SAMD12: variants seen among roughly 807,000 people sequenced by gnomAD.
The protein encoded by SAMD12 is sterile alpha motif domain containing 12, also known as sterile alpha motif domain-containing protein 12.
SAMD12 carries 9 observed loss-of-function variants against 15.0 expected under a neutral mutation model. The observed-to-expected ratio is 0.60, with a 90% CI of 0.36 to 1.05. SAMD12 has a LOEUF of 1.05. Among genes scored for constraint, SAMD12 ranks in the 50% least tolerant of loss-of-function variants. The pLI is 0.01. For synonymous variants in SAMD12, 86 were observed against 90.1 expected, an observed-to-expected ratio of 0.96 and a Z score of 0.25; for missense variants, 230 against 234.2, an observed-to-expected ratio of 0.98 and a Z score of 0.12.
chr8:118,430,719 A>G (rs553493665), intron 3 of SAMD12, among the ~76,000 whole-genome samples: 46 of 151,796 alleles, frequency 3.0e-4, no homozygotes, highest in African/African-American at 1.0e-3. Context: ...TCAACTCAAT[A>G]TAACTACTAT....
chr8:118,197,698 G>C, exon 5 of SAMD12: 2 of 1,612,242 alleles, frequency 1.2e-6, no homozygotes, highest in Non-Finnish European at 1.7e-6. Flanking sequence ...CAGCTTGGAA[G>C]GCTAACCGTG....
chr8:118,549,190 C>G (rs1004030104), intron 2 of SAMD12, among the ~76,000 whole-genome samples: 1 of 152,246 alleles, frequency 6.6e-6, no homozygotes, highest in Admixed American at 6.5e-5. Flanking sequence ...TCTCCCAGCA[C>G]ACAGCTGGAG....
At chr8:118,567,415 C>T (rs943380933) in intron 2 of SAMD12, among the ~76,000 whole-genome samples, 1 of 152,160 alleles carries the variant, frequency 6.6e-6, no homozygotes, top group African/African-American at 2.4e-5. Context: ...TACTCTCACC[C>T]AGGCAATGTG....
At chr8:118,490,268 C>T (rs1824405644) in intron 2 of SAMD12, among the ~76,000 whole-genome samples, 1 of 151,916 alleles carries the variant, frequency 6.6e-6, no homozygotes. Context: ...GATGTGGTTC[C>T]CATATTGTTG....
rs568668902 is a variant in SAMD12 at position 118,272,889 on chromosome 8, C to T, written c.434-75157G>A. Among the ~76,000 whole-genome samples, 19 of 152,312 alleles carry T rather than the reference C, an allele frequency of 1.2e-4. No individual in the cohort carries two copies. In the East Asian group the frequency reaches 2.9e-3, roughly 23 times the overall value. On this transcript the variant is annotated intron_variant, in intron 4 of 4. Transcript: ENST00000409003. ...CAAACTTTCCCACATCTGCCTGTCT[C>T]CTGAGCTCTCCAAGTGTGTAGGAAG...
chr8:118,601,418 A>G (rs887941169), intron 1 of SAMD12, among the ~76,000 whole-genome samples: 2 of 152,184 alleles, frequency 1.3e-5, no homozygotes, highest in Non-Finnish European at 2.9e-5. Flanking sequence ...CCATGCCTAG[A>G]CAGTGACTCT....
chr8:118,152,769 G>A, the SAMD12 span, among the ~76,000 whole-genome samples: 1 of 152,130 alleles, frequency 6.6e-6, no homozygotes, highest in Non-Finnish European at 1.5e-5. Context: ...ACAGTGCTGG[G>A]ATTACAAGCG....
the SAMD12 span, among the ~76,000 whole-genome samples, chr8:118,173,074 T>C: frequency 9.2e-5 from 14 of 152,352 alleles, 1 homozygote; most frequent in South Asian, 2.7e-3. Context: ...GTCCCTTGCA[T>C]AAGATAGGAA....
intron 4 of SAMD12, among the ~76,000 whole-genome samples, chr8:118,337,318 C>T (rs1000811156): frequency 1.2e-4 from 19 of 152,266 alleles, no homozygotes; most frequent in African/African-American, 4.3e-4. Context: ...TTTTGCACAT[C>T]ACTGTCCCTG....
chr8:118,176,097 C>T, the SAMD12 span, among the ~76,000 whole-genome samples: 2,492 of 152,232 alleles, frequency 0.016, 35 homozygotes, highest in South Asian at 0.074. Flanking sequence ...GTCAGGAGAT[C>T]GAGACCATCC....
At chr8:118,402,898 A>G (rs1305050630) in intron 3 of SAMD12, among the ~76,000 whole-genome samples, 1 of 152,200 alleles carries the variant, frequency 6.6e-6, no homozygotes, top group Non-Finnish European at 1.5e-5. Context: ...TCATGCACAC[A>G]CACAAAAAAT....
chr8:118,182,500 T>A, the SAMD12 span, among the ~76,000 whole-genome samples: 1 of 152,224 alleles, frequency 6.6e-6, no homozygotes, highest in East Asian at 1.9e-4. Context: ...CTTCTAATGG[T>A]GCTACATTTT....
intron 4 of SAMD12, among the ~76,000 whole-genome samples, chr8:118,339,786 G>A (rs1329383998): frequency 6.6e-6 from 1 of 152,214 alleles, no homozygotes; most frequent in African/African-American, 2.4e-5. Flanking sequence ...CTTCAGAGCA[G>A]GTGGTTTGCA....
chr8:118,243,305 G>A (rs1010964384), intron 4 of SAMD12, among the ~76,000 whole-genome samples: 1 of 151,990 alleles, frequency 6.6e-6, no homozygotes, highest in Non-Finnish European at 1.5e-5. Context: ...AGTGGGTAGG[G>A]AACAGATGTG....
At chr8:118,619,166 G>A (rs940304009) in intron 1 of SAMD12, among the ~76,000 whole-genome samples, 6 of 152,116 alleles carry the variant, frequency 3.9e-5, no homozygotes, top group Non-Finnish European at 8.8e-5. Context: ...CAGGGACAAT[G>A]TCACCCAGCA....
Position 118,381,632 on chromosome 8 carries a change from C to T in SAMD12, c.323-1932G>A, listed in dbSNP as rs114892352. Among the ~76,000 whole-genome samples the T allele has an allele frequency of 2.9e-3, 441 of 152,204 alleles. 4 individuals are homozygous for T. The highest frequency in any genetic ancestry group is 0.01 in the African/African-American group (420 of 41,530). On this transcript the variant is annotated intron_variant, in intron 3 of 3. Coordinates refer to ENST00000314727, the MANE Select transcript of SAMD12 (RefSeq NM_207506.3). ...AATGGATGCAGAGGTCAAAGTGAAGCGGCCAAGAGCCAAGGAATTCAGGCA... is the reference window on the plus strand; with the variant it reads ...AATGGATGCAGAGGTCAAAGTGAAGTGGCCAAGAGCCAAGGAATTCAGGCA...
intron 2 of SAMD12, among the ~76,000 whole-genome samples, chr8:118,579,229 T>C (rs532522537): frequency 4.2e-4 from 64 of 152,298 alleles, no homozygotes; most frequent in African/African-American, 1.5e-3. Flanking sequence ...TTTAATATTT[T>C]AGGCATCCTT....
In SAMD12 at chr8:118,493,305, T is replaced by C. The variant is rs1824501779; in HGVS notation, c.193-53344A>G. Among the ~76,000 whole-genome samples the C allele has an allele frequency of 2.6e-5, 4 of 152,202 alleles. 1 individual carries two copies. In the South Asian group the frequency reaches 8.3e-4, roughly 31 times the overall value. On this transcript the variant is annotated intron_variant, in intron 2 of 3. Coordinates refer to ENST00000314727, the MANE Select transcript of SAMD12 (RefSeq NM_207506.3). ...TTTCTCCCAAGTCTATTACTCCTACTGCATACTGCCTTATTCAGACCTCAT... is the reference window on the plus strand; with the variant it reads ...TTTCTCCCAAGTCTATTACTCCTACCGCATACTGCCTTATTCAGACCTCAT...
At chr8:118,594,922 G>T (rs1827686209) in intron 1 of SAMD12, among the ~76,000 whole-genome samples, 1 of 152,084 alleles carries the variant, frequency 6.6e-6, no homozygotes, top group Non-Finnish European at 1.5e-5. Context: ...CTCCTAAAGT[G>T]TTTATCTGCA....
Sources: allele counts gnomAD v4.1 joint callset (sites outside exome capture counted in the v4.1 genomes callset), GRCh38; gene constraint gnomAD v4.1.1; transcripts MANE v1.5; gene names NCBI Gene and HGNC (gene_info 2026-07-23, HGNC 2026-07-21).